The following MBIP variants were observed in gnomAD, a reference collection of about 807,000 sequenced individuals.
The protein encoded by MBIP is MAP3K12-binding inhibitory protein 1.
MBIP carries 32 observed loss-of-function variants against 45.7 expected under a neutral mutation model. The observed-to-expected ratio is 0.70, with a 90% confidence interval of 0.53 to 0.94. The LOEUF (loss-of-function observed/expected upper bound fraction) is 0.94, where lower values mean the gene tolerates loss of function less well. MBIP is among the 40% of genes least tolerant of loss of function. MBIP has a pLI of 0.00. For missense variants in MBIP, 381 were observed against 405.5 expected (o/e 0.94, Z 0.52); for synonymous variants, 145 against 141.0 (o/e 1.03, Z -0.20).
intron 1 of MBIP, among the ~76,000 whole-genome samples, chr14:36,320,209 G>T (rs1880809055): frequency 1.3e-5 from 2 of 151,962 alleles, no homozygotes; most frequent in Admixed American, 1.3e-4. Context: ...CTCGGAGCCG[G>T]GTTTTCACTT....
intron 1 of MBIP, among the ~76,000 whole-genome samples, chr14:36,320,025 C>T (rs1013196254): frequency 6.6e-6 from 1 of 152,100 alleles, no homozygotes; most frequent in Non-Finnish European, 1.5e-5. Context: ...GAACAAATTA[C>T]TCCCTCCCCC....
chr14:36,301,156 T>C (rs1879524880), intron 7 of MBIP: 1 of 193,450 alleles, frequency 5.2e-6, no homozygotes, highest in Non-Finnish European at 1.0e-5. Flanking sequence ...TAGTTTTTTT[T>C]CATAACCTTT....
At chr14:36,316,858 GCT>G in intron 1 of MBIP, 46 bp from the exon 2 acceptor site, 1 of 1,569,424 alleles carries the variant, frequency 6.4e-7, no homozygotes, top group East Asian at 2.3e-5. Context: ...ACACGATTAA[GCT>G]CTACATATGG....
In MBIP at chr14:36,320,574, C is replaced by A. The variant is rs138198154; in HGVS notation, c.15G>T (p.Thr5=). 1 of 1,610,112 alleles carries A rather than the reference C, an allele frequency of 6.2e-7. No homozygotes were observed. The highest frequency in any genetic ancestry group is 1.3e-5 in the African/African-American group (1 of 74,848). The change falls in exon 1 of 9, where the codon ACG becomes ACT. Residue 5 remains threonine (T), a synonymous_variant. Coordinates refer to ENST00000416007, the MANE Select transcript of MBIP (RefSeq NM_016586.3). ...CACCGCTGCTCGGGCGATTAAGCTC[C>A]GTGGCAGCAGCCATGATATCTTCTC... is the stretch of plus-strand genomic sequence containing the variant. The part of the protein sequence containing the change: MAAA[T]ELNRPSSGDR...
At chr14:36,301,849 T>C (rs1879577603) in intron 7 of MBIP, among the ~76,000 whole-genome samples, 2 of 152,206 alleles carry the variant, frequency 1.3e-5, no homozygotes, top group African/African-American at 4.8e-5. Flanking sequence ...AGTAAATGAG[T>C]ATATTTGACA....
At chr14:36,301,436 C>T (rs1879542823) in intron 7 of MBIP, among the ~76,000 whole-genome samples, 1 of 152,184 alleles carries the variant, frequency 6.6e-6, no homozygotes, top group South Asian at 2.1e-4. Flanking sequence ...AAGAGGAGAG[C>T]TTCTGGAAAA....
chr14:36,320,614 C>G lies in MBIP; in HGVS notation c.-26G>C. 6.3e-7 allele frequency: 1 copy of G among 1,580,804 alleles called. No homozygotes were observed. Among genetic ancestry groups the G allele is most frequent in the South Asian group, 1.2e-5 (1 of 86,272 alleles). On this transcript the variant is annotated 5_prime_UTR_variant, in exon 1 of 9. Transcript: ENST00000416007. ...GATATCTTCTCAGGCCGCCCCACCA[C>G]CACCACCACCAAGATTTGCTCACAA...
rs548976115 is a variant in MBIP at position 36,303,878 on chromosome 14, C to T, written c.889-3055G>A. Among the ~76,000 whole-genome samples, 59 of 152,302 alleles carry T rather than the reference C, an allele frequency of 3.9e-4. 1 individual carries two copies. In the South Asian group the frequency reaches 0.011, roughly 28 times the overall value. On this transcript the variant is annotated intron_variant, in intron 7 of 8. Coordinates refer to ENST00000416007, the MANE Select transcript of MBIP (RefSeq NM_016586.3). ...CCCTGATTCAGACCTTCATTTCTCTCTGGCTTGGATAATGACATGTTTCCT... is the reference window on the plus strand; with the variant it reads ...CCCTGATTCAGACCTTCATTTCTCTTTGGCTTGGATAATGACATGTTTCCT...
Position 36,308,130 on chromosome 14 carries a change from C to T in MBIP, c.850G>A (p.Glu284Lys). Residue 284 changes from glutamate (E) to lysine (K), a missense_variant, in exon 7 of 9, where the codon GAA (glutamate) becomes AAA (lysine). Coordinates refer to ENST00000416007, the MANE Select transcript of MBIP (RefSeq NM_016586.3). Reference sequence around the variant, plus strand: ...TATTCAGGAGAGATGCCTTCCAATTCAAGGATTTTATCCTCAAGTTTTTTA... The same window carrying T: ...TATTCAGGAGAGATGCCTTCCAATTTAAGGATTTTATCCTCAAGTTTTTTA... ...RIKKLEDKIL[E>K]LEGISPEYFQ... 1 of 1,605,354 alleles carries T rather than the reference C, an allele frequency of 6.2e-7. No homozygotes were observed. Among genetic ancestry groups the T allele is most frequent in the Non-Finnish European group, 8.5e-7 (1 of 1,174,068 alleles).
intron 6 of MBIP, among the ~76,000 whole-genome samples, chr14:36,309,796 T>C (rs959614277): frequency 2.0e-5 from 3 of 152,136 alleles, no homozygotes; most frequent in African/African-American, 7.2e-5. Flanking sequence ...GCCCCCACCA[T>C]TCTTCAGTGC....
At chr14:36,316,610 G>T (rs1297608435) in intron 2 of MBIP, 83 bp downstream of exon 2, 1 of 1,266,104 alleles carries the variant, frequency 7.9e-7, no homozygotes, top group South Asian at 1.4e-5. Flanking sequence ...ATAGTGTTTA[G>T]AACTGTCAAA....
chr14:36,318,497 G>C (rs938366012), intron 1 of MBIP, among the ~76,000 whole-genome samples: 2 of 151,760 alleles, frequency 1.3e-5, no homozygotes, highest in African/African-American at 4.8e-5. Flanking sequence ...TACAGAACTT[G>C]GAAGAGTAAA....
At chr14:36,304,858 C>T (rs1460454889) in intron 7 of MBIP, among the ~76,000 whole-genome samples, 3 of 152,182 alleles carry the variant, frequency 2.0e-5, no homozygotes, top group African/African-American at 7.2e-5. Flanking sequence ...CAATCTCTAT[C>T]CAATTGTAAG....
At chr14:36,305,849 C>T (rs1879840826) in intron 7 of MBIP, among the ~76,000 whole-genome samples, 1 of 152,182 alleles carries the variant, frequency 6.6e-6, no homozygotes, top group Admixed American at 6.5e-5. Flanking sequence ...TTCTCTGTCT[C>T]TTTCCACATC....
intron 1 of MBIP, among the ~76,000 whole-genome samples, chr14:36,317,296 G>C (rs557829426): frequency 6.6e-6 from 1 of 152,246 alleles, no homozygotes; most frequent in South Asian, 2.1e-4. Flanking sequence ...TCATTATTCT[G>C]ATGTCCTCCA....
At chr14:36,304,128 C>T (rs1035766303) in intron 7 of MBIP, among the ~76,000 whole-genome samples, 10 of 152,188 alleles carry the variant, frequency 6.6e-5, no homozygotes, top group African/African-American at 2.2e-4. Context: ...ACCCACCACA[C>T]GTTCACACGC....
rs375684593 is a variant in MBIP at position 36,308,182 on chromosome 14, T to G, written c.798A>C (p.Pro266=). 6 of 1,566,604 alleles carry G rather than the reference T, an allele frequency of 3.8e-6. No individual in the cohort carries two copies. In the South Asian group the frequency reaches 5.7e-5, roughly 15 times the overall value. ...EAHLRLQTGG[P]VPRDIYQRIK... is the part of the protein sequence containing the mutation. The stretch of plus-strand genomic sequence containing the variant: ...TTCTCTGATAAATGTCTCTTGGCAC[T>G]GGACCACCTAAATACATTAAAAAAA... The change falls in exon 7 of 9, where the codon CCA becomes CCC. Residue 266 remains proline, a synonymous_variant. Coordinates refer to ENST00000416007, the MANE Select transcript of MBIP (RefSeq NM_016586.3).
chr14:36,313,309 A>G lies in MBIP; in HGVS notation c.571+1203T>C, dbSNP rs189031222. On this transcript the variant is annotated intron_variant, in intron 4 of 8. Transcript: ENST00000416007. ...ACTGACCATCAGTGAGAAATTCAGC[A>G]TGGTGTGAGTGTATGACTGCTAGTC... 21 of 152,264 alleles carry G rather than the reference A, an allele frequency of 1.4e-4. 1 individual carries two copies. The highest frequency in any genetic ancestry group is 9.8e-4 in the Admixed American group (15 of 15,290). The allele number at this position is 152,264 out of a possible 1,614,324, so 9.4% of individuals were successfully genotyped here. A position where few individuals can be genotyped will look rare whatever the true frequency, so the allele number is the denominator to read the frequency against.
At chr14:36,319,081 A>C (rs921755431) in intron 1 of MBIP, among the ~76,000 whole-genome samples, 22 of 152,122 alleles carry the variant, frequency 1.4e-4, no homozygotes, top group Admixed American at 3.9e-4. Flanking sequence ...CAGTACTTGA[A>C]TGTTTAAAAT....
Sources: allele counts gnomAD v4.1 joint callset (sites outside exome capture counted in the v4.1 genomes callset), GRCh38; gene constraint gnomAD v4.1.1; transcripts MANE v1.5; gene names NCBI Gene and HGNC (gene_info 2026-07-23, HGNC 2026-07-21).